Variants in THSD4 observed in about 807,000 individuals in gnomAD.
THSD4 encodes thrombospondin type-1 domain-containing protein 4.
THSD4 carries 69 observed loss-of-function variants against 119.0 expected under a neutral mutation model. That is an observed-to-expected ratio of 0.58 (90% CI 0.48 to 0.71). The LOEUF (loss-of-function observed/expected upper bound fraction) is 0.71. THSD4 is among the 30% of genes least tolerant of loss of function. THSD4 has a pLI of 0.00. For synonymous variants in THSD4, 524 were observed against 540.4 expected, an observed-to-expected ratio of 0.97 and a Z score of 0.42; for missense variants, 1,393 against 1,391.1, an observed-to-expected ratio of 1.00 and a Z score of -0.02.
At chr15:71,715,293 G>A (rs2052585724) in intron 8 of THSD4, among the ~76,000 whole-genome samples, 1 of 152,174 alleles carries the variant, frequency 6.6e-6, no homozygotes, top group Admixed American at 6.5e-5. Flanking sequence ...TGGTAGTCAG[G>A]AATGAATTCC....
In THSD4 at chr15:71,780,601, A is replaced by G. The variant is rs1351228229; in HGVS notation, c.*3227A>G. 2.2e-6 allele frequency: 1 copy of G among 453,598 alleles called. No homozygotes were observed. The allele number at this position is 453,598 out of a possible 1,614,324, so 28.1% of individuals were successfully genotyped here. ...GGAGTCAGTTCAGTTCCGTAAAGGTATGCTCAGTGCCCGCTGCCTGCAAGC... is the reference window on the plus strand; with the variant it reads ...GGAGTCAGTTCAGTTCCGTAAAGGTGTGCTCAGTGCCCGCTGCCTGCAAGC... On this transcript the variant is annotated 3_prime_UTR_variant, in exon 18 of 18. Transcript: ENST00000261862.
At chr15:71,382,687 G>A (rs2046243357) in intron 6 of THSD4, among the ~76,000 whole-genome samples, 1 of 151,798 alleles carries the variant, frequency 6.6e-6, no homozygotes, top group Non-Finnish European at 1.5e-5. Context: ...ATATTTATTA[G>A]AATTTTAAAC....
intron 7 of THSD4, among the ~76,000 whole-genome samples, chr15:71,647,966 T>C (rs949985131): frequency 1.3e-5 from 2 of 152,138 alleles, no homozygotes; most frequent in Non-Finnish European, 2.9e-5. Context: ...GCCTGAGAGA[T>C]ATAAGCGTAT....
chr15:71,299,976 A>AAAATAT (rs1555462049), intron 6 of THSD4, among the ~76,000 whole-genome samples: 31 of 48,302 alleles, frequency 6.4e-4, no homozygotes, highest in African/African-American at 2.3e-3. Flanking sequence ...AAAAAAAAAA[A>AAAATAT]ATATATATAT....
At chr15:71,152,265 A>G (rs1190781044) in intron 2 of THSD4, among the ~76,000 whole-genome samples, 10 of 152,010 alleles carry the variant, frequency 6.6e-5, no homozygotes, top group Non-Finnish European at 1.5e-4. Flanking sequence ...TCCACTAAAA[A>G]TATAAAAATT....
intron 6 of THSD4, among the ~76,000 whole-genome samples, chr15:71,394,434 G>A (rs1457670968): frequency 6.6e-6 from 1 of 151,944 alleles, no homozygotes; most frequent in Non-Finnish European, 1.5e-5. Context: ...CACCACGGCC[G>A]GCTAATTTTT....
At chr15:71,425,307 A>C (rs1326214321) in intron 7 of THSD4, among the ~76,000 whole-genome samples, 1 of 152,226 alleles carries the variant, frequency 6.6e-6, no homozygotes, top group East Asian at 1.9e-4. Flanking sequence ...GTTTATTATT[A>C]ATATCGGCTT....
intron 4 of THSD4, among the ~76,000 whole-genome samples, chr15:71,221,910 T>G (rs2043978404): frequency 6.6e-6 from 1 of 150,712 alleles, no homozygotes; most frequent in East Asian, 1.9e-4. Context: ...CACTTGTTAT[T>G]TTCTGTTTTT....
intron 7 of THSD4, among the ~76,000 whole-genome samples, chr15:71,499,556 ATAGTGT>A (rs1270230040): frequency 1.3e-5 from 2 of 151,880 alleles, no homozygotes; most frequent in Non-Finnish European, 2.9e-5. Flanking sequence ...GTATAGTACA[ATAGTGT>A]TAATTACTGT....
intron 6 of THSD4, among the ~76,000 whole-genome samples, chr15:71,294,231 T>G (rs1233761303): frequency 1.3e-5 from 2 of 152,172 alleles, no homozygotes; most frequent in African/African-American, 4.8e-5. Context: ...TTCTTCTGTC[T>G]TCTTGTCAGT....
intron 7 of THSD4, among the ~76,000 whole-genome samples, chr15:71,459,297 T>A (rs2047386020): frequency 6.6e-6 from 1 of 151,866 alleles, no homozygotes; most frequent in Non-Finnish European, 1.5e-5. Flanking sequence ...TAGCTGGGAC[T>A]ACAGGCATGT....
In THSD4 at chr15:71,745,191, G is replaced by A. The variant is rs758493112; in HGVS notation, c.1992G>A (p.Pro664=). ...PESYCDSSMK[P]TPEEEPCNIF... The stretch of plus-strand genomic sequence containing the variant: ...GTTACTGTGACTCCAGCATGAAGCC[G>A]ACCCCCGAGGAGGAGCCCTGCAACA... The change falls in exon 12 of 18, where the codon CCG becomes CCA. Residue 664 remains proline (P), a synonymous_variant. Coordinates refer to ENST00000261862, the MANE Select transcript of THSD4 (RefSeq NM_024817.3). The A allele has an allele frequency of 5.2e-5, 84 of 1,613,192 alleles. No individual in the cohort carries two copies. The Admixed American group carries it at 6.7e-4, about 13-fold the overall frequency.
intron 2 of THSD4, among the ~76,000 whole-genome samples, chr15:71,145,302 T>G (rs1263896449): frequency 6.6e-6 from 1 of 152,150 alleles, no homozygotes; most frequent in African/African-American, 2.4e-5. Context: ...TTGATTTTGG[T>G]GATTTTTATT....
intron 8 of THSD4, among the ~76,000 whole-genome samples, chr15:71,671,472 G>A (rs974721230): frequency 2.0e-5 from 3 of 152,174 alleles, no homozygotes; most frequent in African/African-American, 7.2e-5. Context: ...TTGCTGTGCA[G>A]AAGCTCTTGA....
At chr15:71,278,040 G>A (rs187372092) in intron 6 of THSD4, among the ~76,000 whole-genome samples, 85 of 152,102 alleles carry the variant, frequency 5.6e-4, no homozygotes, top group Admixed American at 1.4e-3. Flanking sequence ...ACTGCCTCCC[G>A]CCAGCACTCC....
chr15:71,328,476 C>G (rs2045375815), intron 6 of THSD4, among the ~76,000 whole-genome samples: 1 of 152,204 alleles, frequency 6.6e-6, no homozygotes, highest in Non-Finnish European at 1.5e-5. Context: ...TTAATTCATT[C>G]AGTCTGCCAT....
chr15:71,310,011 A>G (rs1258845986), intron 6 of THSD4, among the ~76,000 whole-genome samples: 1 of 152,164 alleles, frequency 6.6e-6, no homozygotes, highest in Non-Finnish European at 1.5e-5. Context: ...TATTATTCAT[A>G]CAGCTCCTAA....
intron 6 of THSD4, among the ~76,000 whole-genome samples, chr15:71,393,530 C>A (rs951682942): frequency 5.9e-5 from 9 of 152,042 alleles, no homozygotes; most frequent in Non-Finnish European, 1.0e-4. Flanking sequence ...GTGGAATCAG[C>A]CCCTTACCCG....
At chr15:71,376,356 G>T (rs1283897028) in intron 6 of THSD4, among the ~76,000 whole-genome samples, 1 of 152,122 alleles carries the variant, frequency 6.6e-6, no homozygotes, top group Non-Finnish European at 1.5e-5. Flanking sequence ...TAGATGTCCT[G>T]TTTCTTGACA....
Sources: gnomAD v4.1 joint callset for allele counts (sites outside exome capture counted in the v4.1 genomes callset) on GRCh38, gnomAD v4.1.1 for gene constraint, MANE v1.5 for transcripts, NCBI Gene and HGNC (gene_info 2026-07-23, HGNC 2026-07-21) for gene names.